Variants in RTTN observed in about 807,000 individuals in gnomAD.
RTTN encodes rotatin.
In RTTN, 182 loss-of-function variants were observed where a neutral mutation model predicts 269.2. That is an observed-to-expected ratio of 0.68 (90% CI 0.60 to 0.76). The LOEUF is 0.76. RTTN is among the 30% of genes least tolerant of loss of function. The pLI, the probability that RTTN is intolerant of heterozygous loss-of-function variation, is 0.00. For synonymous variants in RTTN, 1,006 were observed against 963.5 expected (o/e 1.04, Z -0.82); for missense variants, 2,545 against 2,608.6 (o/e 0.98, Z 0.53).
At chr18:70,024,972 A>G in intron 43 of RTTN, 124 bp from the exon 44 acceptor site, 1 of 1,076,430 alleles carries the variant, frequency 9.3e-7, no homozygotes, top group African/African-American at 1.6e-5. Context: ...TGGCTTCAGC[A>G]TCCTGCCCCA....
chr18:70,193,541 A>T, intron 7 of RTTN, 88 bp from the exon 8 acceptor site: 1 of 990,194 alleles, frequency 1.0e-6, no homozygotes, highest in Non-Finnish European at 1.4e-6. Flanking sequence ...TTCCAAAAAC[A>T]TTAACAAATT....
intron 32 of RTTN, among the ~76,000 whole-genome samples, chr18:70,080,927 ATCACACAC>A (rs2058548164): frequency 1.1e-5 from 1 of 89,866 alleles, no homozygotes; most frequent in Non-Finnish European, 2.3e-5. Context: ...TGTGTGTGGT[ATCACACAC>A]ACACACACAC....
chr18:70,103,769 AAAAAAAAAAGCAAATCAT>A, intron 28 of RTTN, among the ~76,000 whole-genome samples: 1 of 151,124 alleles, frequency 6.6e-6, no homozygotes, highest in East Asian at 1.9e-4. Context: ...CTTCAAAAAA[AAAAAAAAAAGCAAATCAT>A]AAAAAAAAAA....
chr18:70,079,011 T>C (rs540600964), intron 32 of RTTN, among the ~76,000 whole-genome samples: 2 of 152,222 alleles, frequency 1.3e-5, no homozygotes, highest in East Asian at 3.9e-4. Flanking sequence ...GATACTGTGG[T>C]ATCTGCAGGA....
At position 70,205,332 on chromosome 18, in the gene RTTN, C is replaced by A. The variant is rs991171180; in HGVS notation, c.32-17G>T. The A allele has an allele frequency of 6.2e-7, 1 of 1,612,692 alleles. No homozygotes were observed. Among genetic ancestry groups the A allele is most frequent in the Admixed American group, 1.7e-5 (1 of 59,944 alleles). On this transcript the variant is annotated splice_polypyrimidine_tract_variant and intron_variant, in intron 1 of 48. Transcript: ENST00000640769. ...GCTGATGACCTGTCAACGAACGGCA[C>A]AAAACTATTTTATTTCCCGACTGCA...
In RTTN at chr18:70,135,759, T is replaced by C. The variant is rs76066686; in HGVS notation, c.2789-479A>G. 5.0e-3 allele frequency among the ~76,000 whole-genome samples: 763 copies of C among 152,350 alleles called. 5 individuals are homozygous for C. The highest frequency in any genetic ancestry group is 0.017 in the African/African-American group (723 of 41,584). On this transcript the variant is annotated intron_variant, in intron 21 of 48. Transcript: ENST00000640769. ...GGATTTGACTTTAAAATGTTATCCT[T>C]GGGCTGTGTCATTGTTTTGGTTCCT...
intron 27 of RTTN, among the ~76,000 whole-genome samples, chr18:70,114,149 G>T (rs1397710535): frequency 6.6e-6 from 1 of 152,074 alleles, no homozygotes; most frequent in African/African-American, 2.4e-5. Flanking sequence ...AGGTATGACT[G>T]CTCAAGTAGA....
chr18:70,071,911 A>T lies in RTTN; in HGVS notation c.4653+1995T>A, dbSNP rs17806305. 2.0e-5 allele frequency among the ~76,000 whole-genome samples: 3 copies of T among 152,318 alleles called. No individual in the cohort carries two copies. In the East Asian group the frequency reaches 5.8e-4, roughly 29 times the overall value. ...GATTGCATTTTTTCTCAATTCTGAG[A>T]TAAACAAAACAAAGATATAAATAAG... On this transcript the variant is annotated intron_variant, in intron 34 of 48. Coordinates refer to ENST00000640769, the MANE Select transcript of RTTN (RefSeq NM_173630.4).
At chr18:70,051,860 A>C (rs1431324125) in intron 38 of RTTN, among the ~76,000 whole-genome samples, 1 of 152,182 alleles carries the variant, frequency 6.6e-6, no homozygotes, top group Admixed American at 6.5e-5. Flanking sequence ...CTGCAGAACT[A>C]CATATTGGCA....
chr18:70,058,434 C>T (rs2057880995), intron 36 of RTTN, among the ~76,000 whole-genome samples: 1 of 152,134 alleles, frequency 6.6e-6, no homozygotes, highest in Non-Finnish European at 1.5e-5. Context: ...AGGAGAATCG[C>T]TTGAACCCAG....
intron 34 of RTTN, among the ~76,000 whole-genome samples, chr18:70,067,163 A>T (rs1349374879): frequency 5.5e-5 from 8 of 144,848 alleles, no homozygotes; most frequent in East Asian, 4.1e-4. Context: ...AAGCTTGTTT[A>T]TTTTTTTTTT....
At chr18:70,133,626 T>A (rs922863485) in intron 23 of RTTN, among the ~76,000 whole-genome samples, 2 of 152,018 alleles carry the variant, frequency 1.3e-5, no homozygotes, top group Admixed American at 6.6e-5. Context: ...AGCAATATAA[T>A]AATGCACTCT....
intron 3 of RTTN, among the ~76,000 whole-genome samples, chr18:70,203,574 C>T (rs1228945045): frequency 6.6e-6 from 1 of 152,192 alleles, no homozygotes; most frequent in African/African-American, 2.4e-5. Context: ...CAAGGTCACA[C>T]AACTAGCAGC....
At chr18:70,163,014 TA>T (rs910916182) in intron 14 of RTTN, among the ~76,000 whole-genome samples, 1 of 118,626 alleles carries the variant, frequency 8.4e-6, no homozygotes, top group East Asian at 2.9e-4. Flanking sequence ...TTGATAAATT[TA>T]AAAAAAACTA....
chr18:70,049,412 A>G (rs2144788777), intron 39 of RTTN, among the ~76,000 whole-genome samples: 1 of 152,288 alleles, frequency 6.6e-6, no homozygotes, highest in East Asian at 1.9e-4. Context: ...ATTTTAAACA[A>G]AATAATGATA....
chr18:70,118,176 G>T (rs952635555), intron 26 of RTTN, among the ~76,000 whole-genome samples: 9 of 151,774 alleles, frequency 5.9e-5, no homozygotes, highest in Non-Finnish European at 8.8e-5. Flanking sequence ...ACAGAATCAA[G>T]AATTGAGATT....
chr18:70,142,950 A>C (rs561321647), intron 18 of RTTN, among the ~76,000 whole-genome samples: 1 of 152,174 alleles, frequency 6.6e-6, no homozygotes, highest in African/African-American at 2.4e-5. Context: ...GCTTGAACCC[A>C]GGAGGCGGAG....
At chr18:70,143,929 A>G (rs376554406) in intron 18 of RTTN, among the ~76,000 whole-genome samples, 33 of 151,456 alleles carry the variant, frequency 2.2e-4, no homozygotes, top group African/African-American at 8.0e-4. Context: ...GTGCAATCTC[A>G]GCTCACTGCA....
At chr18:70,139,801 AT>A in intron 20 of RTTN, 85 bp from the exon 21 acceptor site, 2 of 810,706 alleles carry the variant, frequency 2.5e-6, no homozygotes, top group Non-Finnish European at 4.1e-6. Context: ...CTTACTCTAA[AT>A]TTTATGCGTT....
Sources: allele counts gnomAD v4.1 joint callset (sites outside exome capture counted in the v4.1 genomes callset), GRCh38; gene constraint gnomAD v4.1.1; transcripts MANE v1.5; gene names NCBI Gene and HGNC (gene_info 2026-07-23, HGNC 2026-07-21).